Variants in WDFY4 observed in about 807,000 individuals in gnomAD.
The protein encoded by WDFY4 is WD repeat- and FYVE domain-containing protein 4.
A neutral mutation model predicts 351.9 loss-of-function variants in WDFY4; 169 were observed. That is an observed-to-expected ratio of 0.48 (90% CI 0.42 to 0.55). The LOEUF (loss-of-function observed/expected upper bound fraction) is 0.55, where lower values mean the gene tolerates loss of function less well. WDFY4 is among the 20% of genes least tolerant of loss of function. WDFY4 has a pLI of 0.00. For missense variants in WDFY4, 3,803 were observed against 3,935.6 expected (o/e 0.97, Z 0.90); for synonymous variants, 1,622 against 1,574.6 (o/e 1.03, Z -0.71).
chr10:48,855,904 C>T (rs183258700), intron 39 of WDFY4, among the ~76,000 whole-genome samples: 44 of 152,058 alleles, frequency 2.9e-4, no homozygotes, highest in Admixed American at 1.1e-3. Flanking sequence ...TCTTTCTGTG[C>T]CTAATTTATA....
intron 41 of WDFY4, among the ~76,000 whole-genome samples, chr10:48,874,382 A>T (rs1735927050): frequency 6.6e-6 from 1 of 152,244 alleles, no homozygotes; most frequent in Non-Finnish European, 1.5e-5. Context: ...TTGAATGATC[A>T]TAATTTAAAA....
At chr10:48,959,096 G>A (rs1435107045) in intron 52 of WDFY4, among the ~76,000 whole-genome samples, 1 of 152,196 alleles carries the variant, frequency 6.6e-6, no homozygotes, top group African/African-American at 2.4e-5. Context: ...TTTACAGGTG[G>A]AAAATGAATC....
chr10:48,941,855 T>A lies in WDFY4; in HGVS notation c.7629+7T>A, dbSNP rs901075448. 43 of 1,551,530 alleles carry A rather than the reference T, an allele frequency of 2.8e-5. No homozygotes were observed. The Admixed American group carries it at 3.7e-4, about 13-fold the overall frequency. Reference sequence around the variant, plus strand: ...CATGCTGCAGAAGTGGCAGGTACAGTAGCTCCTCCAGAGGGAAGCCCTCTG... The same window carrying A: ...CATGCTGCAGAAGTGGCAGGTACAGAAGCTCCTCCAGAGGGAAGCCCTCTG... On this transcript the variant is annotated splice_region_variant and intron_variant, in intron 48 of 61. Transcript: ENST00000325239.
chr10:48,874,303 G>C (rs1303602368), intron 41 of WDFY4, among the ~76,000 whole-genome samples: 2 of 152,194 alleles, frequency 1.3e-5, no homozygotes, highest in Non-Finnish European at 2.9e-5. Flanking sequence ...CCTTTTAAAA[G>C]AAAAGAAGCC....
At chr10:48,787,771 CT>C (rs892119294) in intron 20 of WDFY4, among the ~76,000 whole-genome samples, 1 of 150,642 alleles carries the variant, frequency 6.6e-6, no homozygotes, top group East Asian at 2.0e-4. Flanking sequence ...CCACAGTTTT[CT>C]TTTTTTCTTC....
Position 48,745,964 on chromosome 10 carries a change from A to G in WDFY4, c.2459+2416A>G, listed in dbSNP as rs192701082. The G allele has an allele frequency of 3.9e-4, 75 of 191,716 alleles. No homozygotes were observed. In the South Asian group the frequency reaches 8.6e-3, roughly 22 times the overall value. The allele number at this position is 191,716 out of a possible 1,614,324, so 11.9% of individuals were successfully genotyped here. ...GGGTTGGTGCTCATCCGCCTGCGGA[A>G]GAAGGCCGGGTACTTCAGCTTATTT... On this transcript the variant is annotated intron_variant, in intron 12 of 61. Transcript: ENST00000325239.
chr10:48,838,770 T>C (rs1380367574), intron 39 of WDFY4, among the ~76,000 whole-genome samples: 1 of 152,252 alleles, frequency 6.6e-6, no homozygotes, highest in East Asian at 1.9e-4. Flanking sequence ...CATGCATTAC[T>C]GTTTCTGTAT....
At chr10:48,966,935 A>G (rs1842111623) in intron 55 of WDFY4, 1 of 479,810 alleles carries the variant, frequency 2.1e-6, no homozygotes. Context: ...ATACACACAC[A>G]GACACCTCTT....
At chr10:48,910,949 G>A in intron 47 of WDFY4, 1 of 980,384 alleles carries the variant, frequency 1.0e-6, no homozygotes, top group South Asian at 4.7e-5. Flanking sequence ...AATACCTAAG[G>A]AGGGAAAATT....
intron 43 of WDFY4, among the ~76,000 whole-genome samples, chr10:48,885,676 A>G (rs2070423491): frequency 6.6e-6 from 1 of 152,130 alleles, no homozygotes; most frequent in South Asian, 2.1e-4. Context: ...ATTAATATAT[A>G]TGTGTATATA....
intron 37 of WDFY4, among the ~76,000 whole-genome samples, chr10:48,829,937 T>C (rs925236086): frequency 2.0e-5 from 3 of 152,200 alleles, no homozygotes; most frequent in African/African-American, 4.8e-5. Flanking sequence ...TTGAAGTTTG[T>C]TGGACATGGT....
At chr10:48,926,349 C>T (rs1405906691) in intron 47 of WDFY4, among the ~76,000 whole-genome samples, 1 of 152,232 alleles carries the variant, frequency 6.6e-6, no homozygotes, top group Non-Finnish European at 1.5e-5. Context: ...GGTGATGAGA[C>T]ACTTGCTCCA....
chr10:48,827,962 A>T (rs1565245530), intron 36 of WDFY4, among the ~76,000 whole-genome samples: 1 of 152,062 alleles, frequency 6.6e-6, no homozygotes, highest in Non-Finnish European at 1.5e-5. Flanking sequence ...AGAGGAGCAG[A>T]ATGACAACTG....
rs559039694 is a variant in WDFY4 at position 48,806,201 on chromosome 10, C to T, written c.4738+106C>T. The T allele has an allele frequency of 5.7e-5, 64 of 1,130,370 alleles. 1 individual carries two copies. The South Asian group carries it at 7.3e-4, about 13-fold the overall frequency. The allele number at this position is 1,130,370 out of a possible 1,614,324, so 70.0% of individuals were successfully genotyped here. ...GGGCTAAGTAAGGAAGGGGAAGGCACCCACAGCCAAGCCGTGGTTTCCAAG... is the reference window on the plus strand; with the variant it reads ...GGGCTAAGTAAGGAAGGGGAAGGCATCCACAGCCAAGCCGTGGTTTCCAAG... On this transcript the variant is annotated intron_variant, in intron 27 of 61. Coordinates refer to ENST00000325239, the MANE Select transcript of WDFY4 (RefSeq NM_001394531.1).
intron 35 of WDFY4, among the ~76,000 whole-genome samples, chr10:48,822,819 C>T (rs10776647): frequency 0.54 from 82,254 of 152,104 alleles, 22,696 homozygotes; most frequent in East Asian, 0.83. Context: ...TGCTTCCTTC[C>T]CTTTGGGTTT....
chr10:48,776,821 G>A lies in WDFY4; in HGVS notation c.2935G>A (p.Val979Ile), dbSNP rs1299422490. The change falls in exon 16 of 62, where the codon GTC becomes ATC. Residue 979 changes from valine to isoleucine, a missense_variant. This residue lies in a region of WDFY4 where 3,054 missense variants were observed against 3,148.6 expected (regional missense o/e 0.97). Transcript: ENST00000325239. The part of the protein sequence containing the change: ...AAPDAGLHPG[V>I]TQAPQPLGES... Reference sequence around the variant, plus strand: ...CCCAGATGCTGGGCTGCACCCTGGAGTCACACAGGCCCCGCAGCCCTTGGG... The same window carrying A: ...CCCAGATGCTGGGCTGCACCCTGGAATCACACAGGCCCCGCAGCCCTTGGG... 3 of 1,551,646 alleles carry A rather than the reference G, an allele frequency of 1.9e-6. No individual in the cohort carries two copies. Among genetic ancestry groups the A allele is most frequent in the Admixed American group, 2.0e-5 (1 of 51,008 alleles).
At chr10:48,822,824 G>T (rs1218629404) in intron 35 of WDFY4, among the ~76,000 whole-genome samples, 2 of 152,298 alleles carry the variant, frequency 1.3e-5, no homozygotes, top group East Asian at 3.9e-4. Context: ...CCTTCCCTTT[G>T]GGTTTTTATT....
At chr10:48,866,798 C>T (rs891359922) in intron 39 of WDFY4, among the ~76,000 whole-genome samples, 2 of 152,234 alleles carry the variant, frequency 1.3e-5, no homozygotes, top group South Asian at 2.1e-4. Flanking sequence ...GCATAGGTGA[C>T]GCCTGTATTT....
chr10:48,722,655 A>G (rs1162648343), intron 4 of WDFY4, among the ~76,000 whole-genome samples: 1 of 151,518 alleles, frequency 6.6e-6, no homozygotes, highest in Admixed American at 6.6e-5. Flanking sequence ...ACATGTGTGC[A>G]TGCACACACA....
Sources: allele counts gnomAD v4.1 joint callset (sites outside exome capture counted in the v4.1 genomes callset), GRCh38; gene constraint gnomAD v4.1.1; regional missense constraint gnomAD v4.1.1; transcripts MANE v1.5; gene names NCBI Gene and HGNC (gene_info 2026-07-23, HGNC 2026-07-21).